The following GTF3C5 variants were observed in gnomAD, a reference collection of about 807,000 sequenced individuals.
GTF3C5 encodes the protein general transcription factor IIIC subunit 5, also known as general transcription factor 3C polypeptide 5.
A neutral mutation model predicts 61.0 loss-of-function variants in GTF3C5; 47 were observed. That is an observed-to-expected ratio of 0.77 (90% CI 0.61 to 0.98). The LOEUF (loss-of-function observed/expected upper bound fraction) is 0.98, where lower values mean the gene tolerates loss of function less well. GTF3C5 is among the 50% of genes least tolerant of loss of function. The probability of loss-of-function intolerance (pLI) is 0.00; values close to 1 mark genes in which losing one functional copy is unlikely to be tolerated. For synonymous variants in GTF3C5, 295 were observed against 275.4 expected (o/e 1.07, Z -0.71); for missense variants, 659 against 703.3 (o/e 0.94, Z 0.71).
intron 1 of GTF3C5, among the ~76,000 whole-genome samples, chr9:133,031,513 G>A (rs1439475394): frequency 1.3e-5 from 2 of 152,044 alleles, no homozygotes; most frequent in African/African-American, 2.4e-5. Flanking sequence ...CACCACGCCC[G>A]GCTAAATTTG....
chr9:133,044,128 G>T, intron 3 of GTF3C5: 1 of 198,490 alleles, frequency 5.0e-6, no homozygotes, highest in Non-Finnish European at 9.4e-6. Context: ...CCGGGTGACA[G>T]AGTGAGACTT....
chr9:133,030,909 C>A, upstream of GTF3C5: 1 of 1,320,814 alleles, frequency 7.6e-7, no homozygotes, highest in Non-Finnish European at 1.1e-6. Flanking sequence ...ATGACGCGAG[C>A]GGTGAGGGAG....
chr9:133,037,545 T>C (rs947925994), intron 1 of GTF3C5, among the ~76,000 whole-genome samples: 1 of 152,138 alleles, frequency 6.6e-6, no homozygotes, highest in African/African-American at 2.4e-5. Context: ...CTTGGAGTCT[T>C]CCCCAATTCC....
intron 3 of GTF3C5, among the ~76,000 whole-genome samples, chr9:133,046,551 C>T (rs1850212398): frequency 6.6e-6 from 1 of 152,168 alleles, no homozygotes; most frequent in African/African-American, 2.4e-5. Context: ...TCTCATTCCT[C>T]ATTATGTGTT....
At chr9:133,033,166 G>T (rs1040920505) in intron 1 of GTF3C5, among the ~76,000 whole-genome samples, 1 of 152,032 alleles carries the variant, frequency 6.6e-6, no homozygotes, top group Admixed American at 6.5e-5. Flanking sequence ...CTCAAATCCC[G>T]CAGCTATTTG....
intron 4 of GTF3C5, 102 bp downstream of exon 4, chr9:133,051,080 C>T (rs1850359043): frequency 1.2e-6 from 1 of 838,308 alleles, no homozygotes; most frequent in Non-Finnish European, 1.8e-6. Flanking sequence ...GTTGGCTGCA[C>T]TGACCTTTAC....
At chr9:133,034,516 T>C (rs934204042) in intron 1 of GTF3C5, among the ~76,000 whole-genome samples, 8 of 151,918 alleles carry the variant, frequency 5.3e-5, no homozygotes, top group African/African-American at 1.9e-4. Flanking sequence ...CTTTTTAGGG[T>C]TAGTTTGGTA....
In GTF3C5 at chr9:133,054,959, C is replaced by A. The variant is rs114790397; in HGVS notation, c.1167+150C>A. Reference sequence around the variant, plus strand: ...TTCCTTTTAGGTCAGCCTTCAGACACTGAGGGTGAGAACTCGGGTGCAAAG... The same window carrying A: ...TTCCTTTTAGGTCAGCCTTCAGACAATGAGGGTGAGAACTCGGGTGCAAAG... On this transcript the variant is annotated intron_variant, in intron 8 of 10. Coordinates refer to ENST00000372097, the MANE Select transcript of GTF3C5 (RefSeq NM_012087.4). 2.2e-3 allele frequency: 3,414 copies of A among 1,551,574 alleles called. 25 individuals carry two copies. The African/African-American group carries it at 0.022, about 10-fold the overall frequency.
At chr9:133,043,568 G>T (rs1368560551) in intron 2 of GTF3C5, among the ~76,000 whole-genome samples, 160 bp from the exon 3 acceptor site, 1 of 152,132 alleles carries the variant, frequency 6.6e-6, no homozygotes, top group Non-Finnish European at 1.5e-5. Flanking sequence ...AGCCAACTTT[G>T]CAGAGGCATT....
At chr9:133,031,623 T>A (rs1244144525) in intron 1 of GTF3C5, among the ~76,000 whole-genome samples, 1 of 152,212 alleles carries the variant, frequency 6.6e-6, no homozygotes, top group Non-Finnish European at 1.5e-5. Context: ...CAAACAGTTT[T>A]CTCAGCAAGG....
Position 133,044,118 on chromosome 9 carries a change from C to G in GTF3C5, c.572+192C>G, listed in dbSNP as rs142041218. On this transcript the variant is annotated intron_variant, in intron 3 of 10. Coordinates refer to ENST00000372097, the MANE Select transcript of GTF3C5 (RefSeq NM_012087.4). ...CAAGATCGCGTCACTGCACTCCAGC[C>G]CGGGTGACAGAGTGAGACTTTGTCT... 747 of 384,144 alleles carry G rather than the reference C, an allele frequency of 1.9e-3. 2 individuals carry two copies. Among genetic ancestry groups the G allele is most frequent in the African/African-American group, 0.014 (657 of 45,874 alleles). The allele number at this position is 384,144 out of a possible 1,614,324, so 23.8% of individuals were successfully genotyped here.
chr9:133,055,906 G>C (rs1340267846), intron 8 of GTF3C5, 106 bp from the exon 9 acceptor site: 1 of 1,511,128 alleles, frequency 6.6e-7, no homozygotes, highest in Non-Finnish European at 8.9e-7. Flanking sequence ...CTGGTGACCA[G>C]CCAGCTCCCT....
In GTF3C5 at chr9:133,043,795, C is replaced by T. The variant is rs768655384; in HGVS notation, c.441C>T (p.Asp147=). The T allele has an allele frequency of 1.1e-5, 17 of 1,614,134 alleles. No individual in the cohort carries two copies. Among genetic ancestry groups the T allele is most frequent in the Admixed American group, 1.7e-5 (1 of 60,014 alleles). ...EAGGKHTSMY[D]KVLMLRPEKE... The stretch of plus-strand genomic sequence containing the variant: ...GCGGCAAGCATACGTCAATGTATGA[C>T]AAGGTGCTCATGCTCCGGCCCGAGA... Residue 147 remains aspartate, a synonymous_variant, in exon 3 of 11, where the codon GAC becomes GAT. Transcript: ENST00000372097.
chr9:133,057,005 C>G, intron 10 of GTF3C5, 97 bp downstream of exon 10: 2 of 1,227,406 alleles, frequency 1.6e-6, no homozygotes, highest in East Asian at 2.7e-5. Context: ...GAAATGGCAC[C>G]CAGGTGGCAT....
intron 1 of GTF3C5, among the ~76,000 whole-genome samples, chr9:133,041,531 C>T (rs184824827): frequency 1.5e-4 from 23 of 152,340 alleles, no homozygotes; most frequent in Admixed American, 1.3e-3. Flanking sequence ...ACATAACCCA[C>T]GTGACCTTAC....
At position 133,049,208 on chromosome 9, in the gene GTF3C5, C is replaced by T. The variant is rs576817378; in HGVS notation, c.573-1575C>T. Reference sequence around the variant, plus strand: ...CACAGCCTGAGGCCACCATGGGGAGCGGTCTGGGGATGCAGCCAAGGCTGC... The same window carrying T: ...CACAGCCTGAGGCCACCATGGGGAGTGGTCTGGGGATGCAGCCAAGGCTGC... On this transcript the variant is annotated intron_variant, in intron 3 of 10. Transcript: ENST00000372097. Among the ~76,000 whole-genome samples the T allele has an allele frequency of 5.9e-5, 9 of 152,306 alleles. No homozygotes were observed. In the South Asian group the frequency reaches 1.5e-3, roughly 25 times the overall value.
At position 133,042,500 on chromosome 9, in the gene GTF3C5, T is replaced by G. The variant is rs563583409; in HGVS notation, c.373+194T>G. ...CTCCAGCCAACAGTTCCCCAGAGAC[T>G]GCAGGTTCATTGCTGCCCAATCTTC... On this transcript the variant is annotated intron_variant, in intron 2 of 10. Transcript: ENST00000372097. Among the ~76,000 whole-genome samples the G allele has an allele frequency of 3.9e-5, 6 of 152,350 alleles. No individual in the cohort carries two copies. The East Asian group carries it at 1.2e-3, about 29-fold the overall frequency.
At chr9:133,039,019 G>A (rs1295571358) in intron 1 of GTF3C5, among the ~76,000 whole-genome samples, 3 of 152,294 alleles carry the variant, frequency 2.0e-5, no homozygotes, top group Middle Eastern at 3.4e-3. Flanking sequence ...CTTAGAGTCC[G>A]TCCTCTTTAG....
At chr9:133,057,652 C>T (rs1829978489) in intron 10 of GTF3C5, among the ~76,000 whole-genome samples, 162 bp from the exon 11 acceptor site, 1 of 152,090 alleles carries the variant, frequency 6.6e-6, no homozygotes. Flanking sequence ...CAAACTACAG[C>T]TTCCCTGGGG....
Sources: allele counts gnomAD v4.1 joint callset (sites outside exome capture counted in the v4.1 genomes callset), GRCh38; gene constraint gnomAD v4.1.1; transcripts MANE v1.5; gene names NCBI Gene and HGNC (gene_info 2026-07-23, HGNC 2026-07-21).